The following N4BP2L2 variants were observed in gnomAD, a reference collection of about 807,000 sequenced individuals.
N4BP2L2 encodes NEDD4 binding protein 2 like 2.
N4BP2L2 carries 50 observed loss-of-function variants against 56.2 expected under a neutral mutation model. The observed-to-expected ratio is 0.89, with a 90% CI of 0.71 to 1.13. The LOEUF (loss-of-function observed/expected upper bound fraction) is 1.13. Ranked by LOEUF, N4BP2L2 falls within the 50% of genes most tolerant of loss-of-function variation. The probability of loss-of-function intolerance (pLI) is 0.00; values close to 1 mark genes in which losing one functional copy is unlikely to be tolerated. For missense variants in N4BP2L2, 689 were observed against 693.8 expected (o/e 0.99, Z 0.08); for synonymous variants, 203 against 223.6 (o/e 0.91, Z 0.82).
At chr13:32,517,378 C>A in exon 6 of N4BP2L2, 2 of 992,496 alleles carry the variant, frequency 2.0e-6, no homozygotes, top group Non-Finnish European at 1.2e-6. Context: ...ACTAAGGTAC[C>A]CTATACCAAG....
intron 6 of N4BP2L2, among the ~76,000 whole-genome samples, chr13:32,484,788 ATTC>A (rs1418707021): frequency 6.6e-6 from 1 of 152,134 alleles, no homozygotes; most frequent in Non-Finnish European, 1.5e-5. Context: ...CCCGGCTGTA[ATTC>A]TTTTTAAAAA....
At chr13:32,532,518 T>C (rs1487114222) in intron 2 of N4BP2L2, among the ~76,000 whole-genome samples, 3 of 152,048 alleles carry the variant, frequency 2.0e-5, no homozygotes, top group Admixed American at 1.3e-4. Context: ...CCTACTAATA[T>C]AAAATGTCAT....
intron 6 of N4BP2L2, among the ~76,000 whole-genome samples, chr13:32,451,614 TTAC>T (rs2078028668): frequency 6.6e-6 from 1 of 152,032 alleles, no homozygotes; most frequent in African/African-American, 2.4e-5. Flanking sequence ...TAATCACCAC[TTAC>T]TGCAACCTTG....
At chr13:32,472,468 T>C (rs534628259) in intron 6 of N4BP2L2, among the ~76,000 whole-genome samples, 3 of 152,298 alleles carry the variant, frequency 2.0e-5, no homozygotes, top group South Asian at 4.1e-4. Flanking sequence ...GTTTCTTTTT[T>C]TTCCCCTCAC....
intron 6 of N4BP2L2, among the ~76,000 whole-genome samples, chr13:32,493,045 C>T (rs2087580897): frequency 6.6e-6 from 1 of 151,066 alleles, no homozygotes; most frequent in Admixed American, 6.6e-5. Context: ...GCCTCACCCT[C>T]CCGAGTAGCT....
chr13:32,433,809 T>C (rs1265458600), intron 9 of N4BP2L2, among the ~76,000 whole-genome samples: 2 of 148,682 alleles, frequency 1.3e-5, no homozygotes, highest in Non-Finnish European at 3.0e-5. Context: ...CGGGCGCCTG[T>C]AATTCCAGCT....
At chr13:32,536,685 C>T (rs756749430) in exon 2 of N4BP2L2, 7 of 1,614,018 alleles carry the variant, frequency 4.3e-6, no homozygotes, top group East Asian at 2.2e-5. Flanking sequence ...CTATATATCT[C>T]ATCGTCTGCG....
chr13:32,500,014 TGACTG>T (rs1201867245), intron 6 of N4BP2L2, among the ~76,000 whole-genome samples: 1 of 152,250 alleles, frequency 6.6e-6, no homozygotes, highest in Admixed American at 6.5e-5. Context: ...TAATATTTGC[TGACTG>T]AACTTTTTTC....
chr13:32,515,781 G>T (rs1002692908), exon 6 of N4BP2L2: 1 of 151,728 alleles, frequency 6.6e-6, no homozygotes, highest in African/African-American at 2.4e-5. Context: ...CTGTCTCACA[G>T]GCTGGAGTGC....
chr13:32,531,288 C>T lies in N4BP2L2; in HGVS notation c.1260-3756G>A, dbSNP rs559344856. Among the ~76,000 whole-genome samples, 8 of 152,260 alleles carry T rather than the reference C, an allele frequency of 5.3e-5. No homozygotes were observed. In the East Asian group the frequency reaches 1.5e-3, roughly 29 times the overall value. ...TTTAAACAACTAAGTTTTAGGGTAA[C>T]CTGTTATACAGCCTTGAGTAATCAA... On this transcript the variant is annotated intron_variant, in intron 2 of 5. Coordinates refer to ENST00000267068, the Ensembl canonical transcript of N4BP2L2.
chr13:32,518,194 G>A lies in N4BP2L2; in HGVS notation c.1551-191C>T, dbSNP rs553137087. On this transcript the variant is annotated intron_variant, in intron 5 of 5. Transcript: ENST00000267068. ...ATGTTTTTATCAATATTTTAAAAAG[G>A]TATAAAGATTCCATATATCACAGAA... Among the ~76,000 whole-genome samples, 9 of 152,066 alleles carry A rather than the reference G, an allele frequency of 5.9e-5. No individual in the cohort carries two copies. In the South Asian group the frequency reaches 1.0e-3, roughly 18 times the overall value.
intron 6 of N4BP2L2, among the ~76,000 whole-genome samples, chr13:32,500,865 C>CTTTTTTTT (rs368419149): frequency 1.6e-5 from 2 of 127,406 alleles, no homozygotes; most frequent in Admixed American, 8.3e-5. Context: ...TTAGTCTTTT[C>CTTTTTTTT]TTTTTTTTTT....
chr13:32,518,122 AT>A, intron 5 of N4BP2L2, 119 bp from the exon 6 acceptor site: 1 of 896,964 alleles, frequency 1.1e-6, no homozygotes, highest in East Asian at 2.7e-5. Context: ...AACAATATAT[AT>A]TTCATCTGTC....
At chr13:32,484,750 G>T (rs2085506993) in intron 6 of N4BP2L2, among the ~76,000 whole-genome samples, 1 of 152,184 alleles carries the variant, frequency 6.6e-6, no homozygotes, top group Admixed American at 6.5e-5. Context: ...CTCCCAAAGT[G>T]CTGGGAAAAC....
intron 6 of N4BP2L2, among the ~76,000 whole-genome samples, chr13:32,503,250 A>G (rs1159160904): frequency 6.6e-6 from 1 of 151,888 alleles, no homozygotes; most frequent in African/African-American, 2.4e-5. Context: ...TGATTTAATT[A>G]AATTTAAAGT....
intron 6 of N4BP2L2, among the ~76,000 whole-genome samples, chr13:32,467,313 T>C (rs998736450): frequency 6.6e-6 from 1 of 151,608 alleles, no homozygotes; most frequent in African/African-American, 2.4e-5. Flanking sequence ...GCTGGAGTGC[T>C]GTGGCACAAT....
chr13:32,520,549 T>C (rs1462141084), intron 5 of N4BP2L2, among the ~76,000 whole-genome samples: 3 of 151,392 alleles, frequency 2.0e-5, no homozygotes, highest in South Asian at 2.1e-4. Context: ...GTCCCACCCA[T>C]TGGAGAGGCT....
chr13:32,517,752 T>C (rs1340278180), exon 6 of N4BP2L2: 2 of 1,599,616 alleles, frequency 1.3e-6, no homozygotes, highest in Non-Finnish European at 1.7e-6. Flanking sequence ...ACAGGCTCAC[T>C]AACTCTTTTT....
At chr13:32,535,685 T>C in intron 2 of N4BP2L2, 84 bp downstream of exon 2, 3 of 1,431,524 alleles carry the variant, frequency 2.1e-6, no homozygotes, top group Admixed American at 2.0e-5. Context: ...ATTACATGCA[T>C]GAGTCACTGC....
Sources: gnomAD v4.1 joint callset for allele counts (sites outside exome capture counted in the v4.1 genomes callset) on GRCh38, gnomAD v4.1.1 for gene constraint, MANE v1.5 for transcripts, NCBI Gene and HGNC (gene_info 2026-07-23, HGNC 2026-07-21) for gene names.